The following RYR1 variants were observed in gnomAD, a reference collection of about 807,000 sequenced individuals.
RYR1 encodes the protein ryanodine receptor 1.
In RYR1, 342 loss-of-function variants were observed where a neutral mutation model predicts 583.5. That is an observed-to-expected ratio of 0.59 (90% CI 0.54 to 0.64). The LOEUF (loss-of-function observed/expected upper bound fraction) is 0.64. Ranked by LOEUF, RYR1 falls within the 30% of genes least tolerant of loss-of-function variation. The pLI, the probability that RYR1 is intolerant of heterozygous loss-of-function variation, is 0.00. For synonymous variants in RYR1, 2,791 were observed against 2,822.5 expected (o/e 0.99, Z 0.35); for missense variants, 6,032 against 6,917.2 (o/e 0.87, Z 4.54).
At chr19:38,459,116 C>A in intron 18 of RYR1, 30 bp from the exon 19 acceptor site, 1 of 1,594,094 alleles carries the variant, frequency 6.3e-7, no homozygotes, top group Non-Finnish European at 8.6e-7. Context: ...GGACCTGTGA[C>A]GTCTGACCCA....
Position 38,566,997 on chromosome 19 carries a change from C to G in RYR1, c.13514+10C>G. ...AGCCGGAGAAAGCCGAGTGAGTGGCCTTGGGGCTGAGGGGCCTAGCCCCTA... is the reference window on the plus strand; with the variant it reads ...AGCCGGAGAAAGCCGAGTGAGTGGCGTTGGGGCTGAGGGGCCTAGCCCCTA... On this transcript the variant is annotated intron_variant, in intron 92 of 105. Coordinates refer to ENST00000359596, the MANE Select transcript of RYR1 (RefSeq NM_000540.3). 6.3e-7 allele frequency: 1 copy of G among 1,582,404 alleles called. No individual in the cohort carries two copies. Among genetic ancestry groups the G allele is most frequent in the African/African-American group, 1.3e-5 (1 of 74,468 alleles).
intron 12 of RYR1, among the ~76,000 whole-genome samples, chr19:38,452,365 G>T (rs992611749): frequency 6.6e-6 from 1 of 151,986 alleles, no homozygotes; most frequent in Non-Finnish European, 1.5e-5. Context: ...TGCTTGAGCC[G>T]AGGGGGCAGA....
At chr19:38,484,438 C>CCCTCACTT (rs1969178045) in intron 33 of RYR1, among the ~76,000 whole-genome samples, 4 of 140,326 alleles carry the variant, frequency 2.9e-5, no homozygotes, top group South Asian at 2.4e-4. Flanking sequence ...CTCCCTCCCT[C>CCCTCACTT]CCTTCCTTCC....
At chr19:38,529,177 G>A (rs1568543155) in intron 76 of RYR1, 120 bp downstream of exon 76, 17 of 969,224 alleles carry the variant, frequency 1.8e-5, no homozygotes, top group South Asian at 1.4e-4. Flanking sequence ...CAAGACAGAC[G>A]GATCTTTAAA....
chr19:38,510,517 G>A lies in RYR1; in HGVS notation c.8952G>A (p.Gly2984=), dbSNP rs746118487. The A allele has an allele frequency of 2.5e-6, 4 of 1,614,162 alleles. No individual in the cohort carries two copies. The highest frequency in any genetic ancestry group is 2.5e-6 in the Non-Finnish European group (3 of 1,180,026). ...CTACAGAGGCTGTGGTCAGCAGTGG[G>A]CGAGTGGAAAAGTCCCCACATGAAC... ...IAHLEAVVSS[G]RVEKSPHEQE... is the part of the protein sequence containing the mutation. The change falls in exon 59 of 106, where the codon GGG becomes GGA. Residue 2984 remains glycine (G), a synonymous_variant. Coordinates refer to ENST00000359596, the MANE Select transcript of RYR1 (RefSeq NM_000540.3).
intron 84 of RYR1, among the ~76,000 whole-genome samples, chr19:38,539,629 G>GA (rs1159694715): frequency 6.6e-6 from 1 of 152,106 alleles, no homozygotes; most frequent in Non-Finnish European, 1.5e-5. Context: ...ATGAAGTTTT[G>GA]AAAATGAGAA....
At chr19:38,584,765 G>A (rs1282209069) in intron 101 of RYR1, among the ~76,000 whole-genome samples, 178 bp from the exon 102 acceptor site, 1 of 149,770 alleles carries the variant, frequency 6.7e-6, no homozygotes, top group Admixed American at 6.7e-5. Flanking sequence ...TCCTGTCACA[G>A]CCCTGACCAT....
rs1221624769 is a variant in RYR1 at position 38,504,751 on chromosome 19, T to A, written c.8071T>A (p.Tyr2691Asn). The change falls in exon 51 of 106, where the codon TAC becomes AAC. Residue 2691 changes from tyrosine to asparagine, a missense_variant. Around this residue, in one of 11 missense-constraint regions of RYR1, gnomAD observed 1,493 missense variants for 1,715.5 expected, o/e 0.87. Transcript: ENST00000359596. ...GIFDSLAHKK[Y>N]DPELYRMAMP... ...CTGCTTCACCCGGTTTTCCCAGAAA[T>A]ACGACCCGGAGCTGTACCGCATGGC... is the stretch of plus-strand genomic sequence containing the variant. The A allele has an allele frequency of 1.9e-6, 3 of 1,613,944 alleles. No homozygotes were observed. Among genetic ancestry groups the A allele is most frequent in the Non-Finnish European group, 2.5e-6 (3 of 1,180,022 alleles).
intron 71 of RYR1, among the ~76,000 whole-genome samples, chr19:38,525,835 G>A (rs1183957238): frequency 1.3e-5 from 2 of 150,564 alleles, no homozygotes; most frequent in African/African-American, 4.9e-5. Flanking sequence ...CTGAGACCCT[G>A]AGAGTCCCCC....
chr19:38,579,881 G>A (rs568646081), intron 99 of RYR1, 101 bp from the exon 100 acceptor site: 227 of 1,522,848 alleles, frequency 1.5e-4, no homozygotes, highest in African/African-American at 2.6e-4. Context: ...GCTGGCACCC[G>A]ACCCCCAGGG....
chr19:38,488,751 C>T (rs999370171), intron 34 of RYR1, among the ~76,000 whole-genome samples: 2 of 152,142 alleles, frequency 1.3e-5, no homozygotes, highest in East Asian at 1.9e-4. Context: ...GTGATCTGCC[C>T]GCCTTGGTCT....
chr19:38,519,386 G>A lies in RYR1; in HGVS notation c.10191G>A (p.Glu3397=). Residue 3397 remains glutamate, a synonymous_variant, in exon 67 of 106, where the codon GAG becomes GAA. Transcript: ENST00000359596. ...AQEGELLVRD[E]FSVLCRDLYA... The stretch of plus-strand genomic sequence containing the variant: ...AGGGCGAGCTGCTGGTGCGGGACGA[G>A]TTCTCTGTGCTCTGCCGGGACCTCT... 6.2e-7 allele frequency: 1 copy of A among 1,606,020 alleles called. No individual in the cohort carries two copies. The highest frequency in any genetic ancestry group is 1.1e-5 in the South Asian group (1 of 90,076).
At position 38,500,433 on chromosome 19, in the gene RYR1, T is replaced by A. The variant is rs1970054597; in HGVS notation, c.7324-173T>A. Among the ~76,000 whole-genome samples, 1 of 86,630 alleles carries A rather than the reference T, an allele frequency of 1.2e-5. No individual in the cohort carries two copies. Among genetic ancestry groups the A allele is most frequent in the Admixed American group, 1.4e-4 (1 of 6,908 alleles). 56.8% of individuals were successfully genotyped at this position (86,630 alleles called of 152,430 possible). A position where few individuals can be genotyped will look rare whatever the true frequency, so the allele number is the denominator to read the frequency against. On this transcript the variant is annotated intron_variant, in intron 45 of 105. Transcript: ENST00000359596. The surrounding 1 kb of genome is among the most constrained non-coding windows in gnomAD (Gnocchi z 5.9). ...AGGTTGGGGGGAACAAGGAGAGAGGTCGGGACTGGGGTGGGGGGGCACAGG... is the reference window on the plus strand; with the variant it reads ...AGGTTGGGGGGAACAAGGAGAGAGGACGGGACTGGGGTGGGGGGGCACAGG...
At position 38,469,331 on chromosome 19, in the gene RYR1, C is replaced by T. The variant is rs1261660951; in HGVS notation, c.3583C>T (p.Pro1195Ser). The change falls in exon 27 of 106, where the codon CCT (proline) becomes TCT (serine). Residue 1195 changes from proline (P) to serine (S), a missense_variant. By Grantham distance (74) the Pro-to-Ser change is moderately conservative (BLOSUM62 -1). Around this residue, in one of 11 missense-constraint regions of RYR1, gnomAD observed 2,627 missense variants for 2,961.3 expected, o/e 0.89. Transcript: ENST00000359596. ...DGFLPVCSLG[P>S]GQVGHLNLGQ... ...CTTCCTGCCCGTCTGCAGCTTGGGA[C>T]CTGGCCAGGTGGGTCATCTGAACCT... is the stretch of plus-strand genomic sequence containing the variant. The T allele has an allele frequency of 6.2e-7, 1 of 1,613,920 alleles. No individual in the cohort carries two copies. The highest frequency in any genetic ancestry group is 8.5e-7 in the Non-Finnish European group (1 of 1,180,038).
At chr19:38,567,968 C>T (rs778048587) in intron 93 of RYR1, 51 bp downstream of exon 93, 5 of 1,599,124 alleles carry the variant, frequency 3.1e-6, no homozygotes, top group Non-Finnish European at 4.3e-6. Flanking sequence ...GGAGCCCCAC[C>T]TCTGGTGCCC....
chr19:38,437,738 AC>A (rs1446367287), intron 1 of RYR1, among the ~76,000 whole-genome samples: 1 of 151,872 alleles, frequency 6.6e-6, no homozygotes, highest in Non-Finnish European at 1.5e-5. Flanking sequence ...ATCACTTGAA[AC>A]CAGGAGTCGG....
At chr19:38,456,061 T>TCGG (rs1967365074) in intron 16 of RYR1, among the ~76,000 whole-genome samples, 1 of 144,712 alleles carries the variant, frequency 6.9e-6, no homozygotes, top group Non-Finnish European at 1.5e-5. Context: ...AACCTCTGCC[T>TCGG]CCTGGGTTCA....
intron 68 of RYR1, 46 bp from the exon 69 acceptor site, chr19:38,523,171 C>A (rs753550918): frequency 1.9e-6 from 3 of 1,613,166 alleles, no homozygotes; most frequent in Non-Finnish European, 2.5e-6. Flanking sequence ...AGCCCACAGG[C>A]GCCTGCCTTC....
chr19:38,534,796 T>A lies in RYR1; in HGVS notation c.11336T>A (p.Leu3779Gln), dbSNP rs376480614. 1 of 1,613,378 alleles carries A rather than the reference T, an allele frequency of 6.2e-7. No individual in the cohort carries two copies. The highest frequency in any genetic ancestry group is 8.5e-7 in the Non-Finnish European group (1 of 1,179,836). The part of the protein sequence containing the change: ...LHTRGAAEMV[L>Q]QMISACKGET... ...ACCCGGGGGGCGGCCGAGATGGTGC[T>A]GCAGATGATCAGTGCCTGCAAAGGT... Residue 3779 changes from leucine to glutamine, a missense_variant, in exon 79 of 106, where the codon CTG (leucine) becomes CAG (glutamine). By Grantham distance (113) the Leu-to-Gln change is moderately radical. Coordinates refer to ENST00000359596, the MANE Select transcript of RYR1 (RefSeq NM_000540.3).
Sources: gnomAD v4.1 joint callset for allele counts (sites outside exome capture counted in the v4.1 genomes callset) on GRCh38, gnomAD v4.1.1 for gene constraint, gnomAD v4.1.1 regional missense constraint, Gnocchi (gnomAD v3.1) non-coding constraint, MANE v1.5 for transcripts, NCBI Gene and HGNC (gene_info 2026-07-23, HGNC 2026-07-21) for gene names.